Variants in HTR1B observed in about 807,000 individuals in gnomAD.
HTR1B encodes 5-hydroxytryptamine receptor 1B, also known as 5-hydroxytryptamine (serotonin) receptor 1B, G protein-coupled.
HTR1B carries 12 observed loss-of-function variants against 25.3 expected under a neutral mutation model. The observed-to-expected ratio is 0.47, with a 90% CI of 0.30 to 0.77. The LOEUF (loss-of-function observed/expected upper bound fraction) is 0.77. Ranked by LOEUF, HTR1B falls within the 30% of genes least tolerant of loss-of-function variation. The pLI is 0.06. For missense variants in HTR1B, 453 were observed against 503.0 expected (o/e 0.90, Z 0.95); for synonymous variants, 224 against 219.1 (o/e 1.02, Z -0.20).
At position 77,463,370 on chromosome 6, in the gene HTR1B, G is replaced by A. The variant is rs770989704; in HGVS notation, c.34C>T (p.Pro12Ser). Residue 12 changes from proline to serine, a missense_variant, in exon 1 of 1, where the codon CCG becomes TCG. Physicochemically the swap from Pro to Ser is moderately conservative, Grantham distance 74. Transcript: ENST00000369947. Reference sequence around the variant, plus strand: ...ACCCAGGTCTCGGAGCCCGCGGGCGGCGGTGGAGCGCACTGAGCACCCGGT... The same window carrying A: ...ACCCAGGTCTCGGAGCCCGCGGGCGACGGTGGAGCGCACTGAGCACCCGGT... The part of the protein sequence containing the change: ...EEPGAQCAPP[P>S]PAGSETWVPQ... The A allele has an allele frequency of 1.9e-6, 3 of 1,613,610 alleles. No individual in the cohort carries two copies. Among genetic ancestry groups the A allele is most frequent in the Non-Finnish European group, 2.5e-6 (3 of 1,179,968 alleles).
rs913174486 is a variant in HTR1B at position 77,461,893 on chromosome 6, G to C, written c.*338C>G. 3 of 255,398 alleles carry C rather than the reference G, an allele frequency of 1.2e-5. No individual in the cohort carries two copies. The highest frequency in any genetic ancestry group is 6.7e-5 in the African/African-American group (3 of 45,046). The allele number at this position is 255,398 out of a possible 1,614,324, so 15.8% of individuals were successfully genotyped here. ...ACTGCTTCTAGTGGGCATTATCCAC[G>C]ATACCAAAGCAGGGCAGGGATTCCC... On this transcript the variant is annotated 3_prime_UTR_variant, in exon 1 of 1. Coordinates refer to ENST00000369947, the MANE Select transcript of HTR1B (RefSeq NM_000863.3).
rs1377872055 is a variant in HTR1B at position 77,461,069 on chromosome 6, T to C, written c.*1162A>G. ...TCACAGATGGGAAGGAGAGTGCAAA[T>C]GACTATCAGATAAAAGTTTCATGCA... On this transcript the variant is annotated 3_prime_UTR_variant, in exon 1 of 1. Transcript: ENST00000369947. Among the ~76,000 whole-genome samples the C allele has an allele frequency of 2.6e-5, 4 of 152,156 alleles. No homozygotes were observed. The highest frequency in any genetic ancestry group is 9.7e-5 in the African/African-American group (4 of 41,438).
rs140792648 is a variant in HTR1B at position 77,462,065 on chromosome 6, G to GCT, written c.*164_*165dup. On this transcript the variant is annotated 3_prime_UTR_variant, in exon 1 of 1. Transcript: ENST00000369947. This position sits in a 1 kb window ranked among gnomAD's most constrained non-coding sequence, Gnocchi z 4.9. The stretch of plus-strand genomic sequence containing the variant: ...TAGTTTCAACACTTCTCCTTTCAGA[G>GCT]CTCTCTCTCAGGACTATTCTGGCTT... 1.5e-3 allele frequency: 903 copies of GCT among 602,414 alleles called. 8 individuals carry two copies. The East Asian group carries it at 0.024, about 16-fold the overall frequency. 37.3% of individuals were successfully genotyped at this position (602,414 alleles called of 1,614,324 possible). A position where few individuals can be genotyped will look rare whatever the true frequency, so the allele number is the denominator to read the frequency against.
chr6:77,462,742 G>T lies in HTR1B; in HGVS notation c.662C>A (p.Thr221Asn), dbSNP rs770106646. The T allele has an allele frequency of 6.2e-7, 1 of 1,614,016 alleles. No homozygotes were observed. Among genetic ancestry groups the T allele is most frequent in the Admixed American group, 1.7e-5 (1 of 60,026 alleles). The change falls in exon 1 of 1, where the codon ACC (threonine) becomes AAC (asparagine). Residue 221 changes from threonine (T) to asparagine (N), a missense_variant. This residue lies in a region of HTR1B where 289 missense variants were observed against 319.6 expected (regional missense o/e 0.90). Coordinates refer to ENST00000369947, the MANE Select transcript of HTR1B (RefSeq NM_000863.3). The surrounding 1 kb of genome is among the most constrained non-coding windows in gnomAD (Gnocchi z 4.9). Reference protein sequence around the residue: ...YSTVGAFYFPTLLLIALYGRI... With the variant: ...YSTVGAFYFPNLLLIALYGRI... ...GCCATAGAGGGCGATGAGGAGCAGG[G>T]TGGGGAAGTAGAAAGCACCCACCGT...
In HTR1B at chr6:77,462,249, A is replaced by G. The variant is rs1019304374; in HGVS notation, c.1155T>C (p.Arg385=). ...CGGCAAGTCAACTTGTGCACTTAAA[A>G]CGTATCAGTTTATGGAATGCTTGTT... ...DFKQAFHKLI[R]FKCTS is the part of the protein sequence containing the mutation. Residue 385 remains arginine (R), a synonymous_variant, in exon 1 of 1, where the codon CGT becomes CGC. Coordinates refer to ENST00000369947, the MANE Select transcript of HTR1B (RefSeq NM_000863.3). The surrounding 1 kb of genome is among the most constrained non-coding windows in gnomAD (Gnocchi z 4.9). The G allele has an allele frequency of 1.9e-6, 3 of 1,612,842 alleles. No individual in the cohort carries two copies. The highest frequency in any genetic ancestry group is 2.5e-6 in the Non-Finnish European group (3 of 1,179,012).
rs1190371814 is a variant in HTR1B, at chr6:77,462,855, C to T, written c.549G>A (p.Pro183=). Residue 183 remains proline, a synonymous_variant, in exon 1 of 1, where the codon CCG becomes CCA. Transcript: ENST00000369947. This position sits in a 1 kb window ranked among gnomAD's most constrained non-coding sequence, Gnocchi z 4.9. ...VWVFSISISL[P]PFFWRQAKAE... ...CCTTAGCCTGACGCCAGAAGAAGGGCGGCAGCGAGATAGAGATGGAGAAGA... is the reference window on the plus strand; with the variant it reads ...CCTTAGCCTGACGCCAGAAGAAGGGTGGCAGCGAGATAGAGATGGAGAAGA... 2 of 1,613,832 alleles carry T rather than the reference C, an allele frequency of 1.2e-6. No individual in the cohort carries two copies. The highest frequency in any genetic ancestry group is 1.7e-6 in the Non-Finnish European group (2 of 1,180,038).
At position 77,460,956 on chromosome 6, in the gene HTR1B, C is replaced by T. The variant is rs528202229; in HGVS notation, c.*1275G>A. Among the ~76,000 whole-genome samples, 5 of 152,210 alleles carry T rather than the reference C, an allele frequency of 3.3e-5. No individual in the cohort carries two copies. The highest frequency in any genetic ancestry group is 2.1e-4 in the South Asian group (1 of 4,830). On this transcript the variant is annotated 3_prime_UTR_variant, in exon 1 of 1. Transcript: ENST00000369947. ...AACAAGTTTATTTTCTTTTCAATAT[C>T]GTTTTTAGGGCCCTTAACTGTATTT... is the stretch of plus-strand genomic sequence containing the variant.
At position 77,461,245 on chromosome 6, in the gene HTR1B, A is replaced by G. The variant is rs1018383190; in HGVS notation, c.*986T>C. ...AAAGACACTTTTCTTGTTAAGAAACAGTATATTTCCAATACTAATCGGTTT... is the reference window on the plus strand; with the variant it reads ...AAAGACACTTTTCTTGTTAAGAAACGGTATATTTCCAATACTAATCGGTTT... On this transcript the variant is annotated 3_prime_UTR_variant, in exon 1 of 1. Coordinates refer to ENST00000369947, the MANE Select transcript of HTR1B (RefSeq NM_000863.3). Among the ~76,000 whole-genome samples the G allele has an allele frequency of 3.9e-5, 6 of 152,242 alleles. No individual in the cohort carries two copies. Among genetic ancestry groups the G allele is most frequent in the Non-Finnish European group, 2.9e-5 (2 of 68,040 alleles).
Position 77,461,838 on chromosome 6 carries a change from AGACAGGC to A in HTR1B, c.*386_*392del. The A allele has an allele frequency of 1.2e-4, 22 of 184,758 alleles. No individual in the cohort carries two copies. Among genetic ancestry groups the A allele is most frequent in the South Asian group, 3.7e-4 (3 of 8,132 alleles). The allele number at this position is 184,758 out of a possible 1,614,324, so 11.4% of individuals were successfully genotyped here. On this transcript the variant is annotated 3_prime_UTR_variant, in exon 1 of 1. Transcript: ENST00000369947. ...GCCAGGCTGTATGTAGATCTGTCTC[AGACAGGC>A]TTCAGACAACAATTACAAGTACACT...
In HTR1B at chr6:77,463,384, T is replaced by C; in HGVS notation, c.20A>G (p.Gln7Arg). Residue 7 changes from glutamine (Q) to arginine (R), a missense_variant, in exon 1 of 1, where the codon CAG becomes CGG. Physicochemically the swap from Gln to Arg is conservative, Grantham distance 43. Transcript: ENST00000369947. The part of the protein sequence containing the change: MEEPGA[Q>R]CAPPPPAGSE... Reference sequence around the variant, plus strand: ...GCCCGCGGGCGGCGGTGGAGCGCACTGAGCACCCGGTTCCTCCATGGCTCT... The same window carrying C: ...GCCCGCGGGCGGCGGTGGAGCGCACCGAGCACCCGGTTCCTCCATGGCTCT... 1 of 1,612,898 alleles carries C rather than the reference T, an allele frequency of 6.2e-7. No individual in the cohort carries two copies. Among genetic ancestry groups the C allele is most frequent in the Non-Finnish European group, 8.5e-7 (1 of 1,179,738 alleles).
In HTR1B at chr6:77,462,053, TCTC is replaced by T; in HGVS notation, c.*175_*177del. The T allele has an allele frequency of 3.4e-6, 2 of 591,178 alleles. No homozygotes were observed. The highest frequency in any genetic ancestry group is 6.0e-6 in the Non-Finnish European group (2 of 334,050). The allele number at this position is 591,178 out of a possible 1,614,324, so 36.6% of individuals were successfully genotyped here. A position where few individuals can be genotyped will look rare whatever the true frequency, so the allele number is the denominator to read the frequency against. ...AAGCTCTACATTTAGTTTCAACACTTCTCCTTTCAGAGCTCTCTCTCAGGACTA... is the reference window on the plus strand; with the variant it reads ...AAGCTCTACATTTAGTTTCAACACTTCTTTCAGAGCTCTCTCTCAGGACTA... On this transcript the variant is annotated 3_prime_UTR_variant, in exon 1 of 1. Coordinates refer to ENST00000369947, the MANE Select transcript of HTR1B (RefSeq NM_000863.3). This position sits in a 1 kb window ranked among gnomAD's most constrained non-coding sequence, Gnocchi z 4.9.
rs1224782367 is a variant in HTR1B, at chr6:77,461,831, C to T, written c.*400G>A. On this transcript the variant is annotated 3_prime_UTR_variant, in exon 1 of 1. Coordinates refer to ENST00000369947, the MANE Select transcript of HTR1B (RefSeq NM_000863.3). Reference sequence around the variant, plus strand: ...AAGTACTGCCAGGCTGTATGTAGATCTGTCTCAGACAGGCTTCAGACAACA... The same window carrying T: ...AAGTACTGCCAGGCTGTATGTAGATTTGTCTCAGACAGGCTTCAGACAACA... 1.1e-5 allele frequency: 2 copies of T among 178,334 alleles called. No individual in the cohort carries two copies. The highest frequency in any genetic ancestry group is 4.7e-5 in the African/African-American group (2 of 42,122). The allele number at this position is 178,334 out of a possible 1,614,324, so 11.0% of individuals were successfully genotyped here.
rs1766129006 is a variant in HTR1B, at chr6:77,461,135, T to C, written c.*1096A>G. The stretch of plus-strand genomic sequence containing the variant: ...ACAAGTCAAAATATACATCCTCCTA[T>C]TGCCCCCACCCCATTCCTCAATTGT... On this transcript the variant is annotated 3_prime_UTR_variant, in exon 1 of 1. Transcript: ENST00000369947. 6.6e-6 allele frequency among the ~76,000 whole-genome samples: 1 copy of C among 152,156 alleles called. No individual in the cohort carries two copies. Among genetic ancestry groups the C allele is most frequent in the African/African-American group, 2.4e-5 (1 of 41,446 alleles).
In HTR1B at chr6:77,462,096, G is replaced by T; in HGVS notation, c.*135C>A. ...TCTCAGGACTATTCTGGCTTCTCAG[G>T]ATCCATTGCCCTTGCCCAGGAGAGA... On this transcript the variant is annotated 3_prime_UTR_variant, in exon 1 of 1. Coordinates refer to ENST00000369947, the MANE Select transcript of HTR1B (RefSeq NM_000863.3). This position sits in a 1 kb window ranked among gnomAD's most constrained non-coding sequence, Gnocchi z 4.9. 1.6e-6 allele frequency: 1 copy of T among 642,044 alleles called. No homozygotes were observed. Among genetic ancestry groups the T allele is most frequent in the Non-Finnish European group, 2.8e-6 (1 of 362,770 alleles). 39.8% of individuals were successfully genotyped at this position (642,044 alleles called of 1,614,324 possible). A position where few individuals can be genotyped will look rare whatever the true frequency, so the allele number is the denominator to read the frequency against.
chr6:77,462,613 G>A lies in HTR1B; in HGVS notation c.791C>T (p.Thr264Met), dbSNP rs1562136012. ...CGAGTTAATAGAGGTGACCGAGGAC[G>A]TGGACCCGGGGGAGTCGGTTATCAG... Reference protein sequence around the residue: ...AQLITDSPGSTSSVTSINSRV... With the variant: ...AQLITDSPGSMSSVTSINSRV... Residue 264 changes from threonine to methionine, a missense_variant, in exon 1 of 1, where the codon ACG (threonine) becomes ATG (methionine). Transcript: ENST00000369947. The surrounding 1 kb of genome is among the most constrained non-coding windows in gnomAD (Gnocchi z 4.9). The A allele has an allele frequency of 6.2e-7, 1 of 1,613,102 alleles. No homozygotes were observed. Among genetic ancestry groups the A allele is most frequent in the South Asian group, 1.1e-5 (1 of 91,068 alleles).
In HTR1B at chr6:77,463,013, T is replaced by A. The variant is rs202148816; in HGVS notation, c.391A>T (p.Thr131Ser). The change falls in exon 1 of 1, where the codon ACT (threonine) becomes TCT (serine). Residue 131 changes from threonine (T) to serine (S), a missense_variant. By Grantham distance (58) the Thr-to-Ser change is moderately conservative (BLOSUM62 1). Coordinates refer to ENST00000369947, the MANE Select transcript of HTR1B (RefSeq NM_000863.3). The stretch of plus-strand genomic sequence containing the variant: ...TGCAGGATGGAGGCAGTGCAACAAG[T>A]GATGTCCGACGACAGCCAGAAGTCA... ...VCDFWLSSDI[T>S]CCTASILHLC... 3.1e-6 allele frequency: 5 copies of A among 1,613,898 alleles called. No homozygotes were observed. The highest frequency in any genetic ancestry group is 4.2e-6 in the Non-Finnish European group (5 of 1,180,016).
At position 77,461,457 on chromosome 6, in the gene HTR1B, C is replaced by T. The variant is rs1766134318; in HGVS notation, c.*774G>A. ...TTTGTTAGAGTTGTGGCTTGACAAT[C>T]GCTAAACAGGAATTACAAAATTGTA... On this transcript the variant is annotated 3_prime_UTR_variant, in exon 1 of 1. Transcript: ENST00000369947. Among the ~76,000 whole-genome samples, 1 of 152,070 alleles carries T rather than the reference C, an allele frequency of 6.6e-6. No homozygotes were observed. Among genetic ancestry groups the T allele is most frequent in the South Asian group, 2.1e-4 (1 of 4,820 alleles).
In HTR1B at chr6:77,462,674, G is replaced by A. The variant is rs773896932; in HGVS notation, c.730C>T (p.Pro244Ser). ...GTCAAGCGCTTGCCGGTCCTGTTGG[G>A]CGTCTGTTTCAAAATCCGGGAGCGG... ...EARSRILKQT[P>S]NRTGKRLTRA... The change falls in exon 1 of 1, where the codon CCC becomes TCC. Residue 244 changes from proline (P) to serine (S), a missense_variant. Transcript: ENST00000369947. The surrounding 1 kb of genome is among the most constrained non-coding windows in gnomAD (Gnocchi z 4.9). 2.5e-6 allele frequency: 4 copies of A among 1,613,398 alleles called. No individual in the cohort carries two copies. The Admixed American group carries it at 5.0e-5, about 20-fold the overall frequency.
Position 77,462,423 on chromosome 6 carries a change from C to A in HTR1B, c.981G>T (p.Trp327Cys). ...GIILGAFIVC[W>C]LPFFIISLVM... ...CTAGGGAGATGATGAAGAAGGGTAG[C>A]CAACACACAATAAAGGCTCCCAAAA... is the stretch of plus-strand genomic sequence containing the variant. The change falls in exon 1 of 1, where the codon TGG (tryptophan) becomes TGT (cysteine). Residue 327 changes from tryptophan (W) to cysteine (C), a missense_variant. By Grantham distance (215) the Trp-to-Cys change is radical (BLOSUM62 -2). Coordinates refer to ENST00000369947, the MANE Select transcript of HTR1B (RefSeq NM_000863.3). This position sits in a 1 kb window ranked among gnomAD's most constrained non-coding sequence, Gnocchi z 4.9. The A allele has an allele frequency of 6.2e-7, 1 of 1,613,960 alleles. No homozygotes were observed. Among genetic ancestry groups the A allele is most frequent in the South Asian group, 1.1e-5 (1 of 91,064 alleles).
Sources: gnomAD v4.1 joint callset for allele counts (sites outside exome capture counted in the v4.1 genomes callset) on GRCh38, gnomAD v4.1.1 for gene constraint, gnomAD v4.1.1 regional missense constraint, Gnocchi (gnomAD v3.1) non-coding constraint, MANE v1.5 for transcripts, NCBI Gene and HGNC (gene_info 2026-07-23, HGNC 2026-07-21) for gene names.